The following CHRDL1 variants were observed in gnomAD, a reference collection of about 807,000 sequenced individuals.
The protein encoded by CHRDL1 is chordin-like protein 1.
In CHRDL1, 19 loss-of-function variants were observed where a neutral mutation model predicts 40.9. The ratio of observed to expected loss-of-function variants is 0.46; its 90% CI spans 0.32 to 0.68. The LOEUF (loss-of-function observed/expected upper bound fraction) is 0.68. Ranked by LOEUF, CHRDL1 falls within the 30% of genes least tolerant of loss-of-function variation. CHRDL1 has a pLI of 0.03. For synonymous variants in CHRDL1, 136 were observed against 123.4 expected, an observed-to-expected ratio of 1.10 and a Z score of -0.68; for missense variants, 329 against 352.1, an observed-to-expected ratio of 0.93 and a Z score of 0.53.
At chrX:110,738,014 G>A (rs1441256833) in intron 4 of CHRDL1, among the ~76,000 whole-genome samples, 3 of 111,925 alleles carry the variant, frequency 2.7e-5, no homozygotes, top group African/African-American at 9.8e-5. Flanking sequence ...CAGGATAGAC[G>A]ATATGACAAA....
intron 7 of CHRDL1, among the ~76,000 whole-genome samples, chrX:110,697,463 T>TA (rs1476295969): frequency 6.3e-5 from 7 of 110,648 alleles, no homozygotes; most frequent in African/African-American, 1.7e-4. Flanking sequence ...TATCTCAAAA[T>TA]AAAAAAAGTT....
At chrX:110,735,078 C>T (rs191011922) in intron 4 of CHRDL1, among the ~76,000 whole-genome samples, 361 of 110,630 alleles carry the variant, frequency 3.3e-3, no homozygotes, top group Non-Finnish European at 5.8e-3. Context: ...TAGTCATTAC[C>T]CTCAAGCAGC....
At chrX:110,774,597 G>A (rs1433879254) in intron 2 of CHRDL1, among the ~76,000 whole-genome samples, 1 of 111,368 alleles carries the variant, frequency 9.0e-6, no homozygotes, top group African/African-American at 3.3e-5. Flanking sequence ...TATGCAGCAT[G>A]AGAACCATAG....
At chrX:110,718,941 G>GA (rs2070893925) in intron 6 of CHRDL1, among the ~76,000 whole-genome samples, 1 of 111,539 alleles carries the variant, frequency 9.0e-6, no homozygotes, top group African/African-American at 3.3e-5. Context: ...GGGATTTTCT[G>GA]AAAAATGGCA....
chrX:110,708,883 C>T (rs1451243087), intron 6 of CHRDL1, among the ~76,000 whole-genome samples: 2 of 111,285 alleles, frequency 1.8e-5, no homozygotes, highest in Non-Finnish European at 3.8e-5. Context: ...GGATTGTTAC[C>T]ATATCTGGCC....
chrX:110,689,169 C>T (rs1350482406), intron 8 of CHRDL1, among the ~76,000 whole-genome samples: 3 of 97,059 alleles, frequency 3.1e-5, no homozygotes, highest in Non-Finnish European at 6.1e-5. Flanking sequence ...TTGTGGCTCA[C>T]TGTAGCCTTG....
chrX:110,678,966 C>CCTTCCAGATGTGA (rs942143508), intron 11 of CHRDL1, among the ~76,000 whole-genome samples: 6 of 111,580 alleles, frequency 5.4e-5, no homozygotes, highest in Non-Finnish European at 7.5e-5. Context: ...TACCCACCAC[C>CCTTCCAGATGTGA]AGAGGATACA....
intron 9 of CHRDL1, 82 bp downstream of exon 9, chrX:110,688,510 TTA>T: frequency 1.7e-6 from 1 of 593,892 alleles, no homozygotes; most frequent in Non-Finnish European, 2.9e-6. Flanking sequence ...ATATGAAAGG[TTA>T]TGTTTCTGAT....
Position 110,761,993 on chromosome X carries a change from A to G in CHRDL1, c.207+702T>C, listed in dbSNP as rs750865802. On this transcript the variant is annotated intron_variant, in intron 3 of 11. Coordinates refer to ENST00000372042, the MANE Select transcript of CHRDL1 (RefSeq NM_001143981.2). ...AGACAACATAGAATCCACTCTCCCA[A>G]TGAACCAGTTTATAATTTGTCCTAA... Among the ~76,000 whole-genome samples, 5 of 112,469 alleles carry G rather than the reference A, an allele frequency of 4.4e-5. No individual in the cohort carries two copies. In the South Asian group the frequency reaches 1.5e-3, roughly 33 times the overall value.
At chrX:110,772,168 G>C (rs1314255245) in intron 2 of CHRDL1, among the ~76,000 whole-genome samples, 2 of 111,878 alleles carry the variant, frequency 1.8e-5, no homozygotes, top group Non-Finnish European at 3.8e-5. Context: ...ATACAAAATT[G>C]TTAAGATATC....
intron 2 of CHRDL1, among the ~76,000 whole-genome samples, chrX:110,791,000 T>C (rs145364727): frequency 1.6e-3 from 176 of 108,968 alleles, no homozygotes; most frequent in African/African-American, 5.6e-3. Context: ...ACACTTACTA[T>C]GAAAATTGTA....
chrX:110,706,589 C>A (rs1301359900), intron 6 of CHRDL1, among the ~76,000 whole-genome samples: 1 of 111,505 alleles, frequency 9.0e-6, no homozygotes, highest in African/African-American at 3.3e-5. Flanking sequence ...TCTCTGGTGG[C>A]TTGAGCAGGT....
At chrX:110,723,237 C>G (rs1354548976) in intron 4 of CHRDL1, among the ~76,000 whole-genome samples, 3 of 110,632 alleles carry the variant, frequency 2.7e-5, no homozygotes, top group African/African-American at 3.3e-5. Flanking sequence ...GGCGACAGAG[C>G]GAGACTCCAT....
At chrX:110,727,396 T>A (rs193035411) in intron 4 of CHRDL1, among the ~76,000 whole-genome samples, 40 of 112,663 alleles carry the variant, frequency 3.6e-4, no homozygotes, top group East Asian at 1.1e-3. Context: ...TTAGCTTTTT[T>A]AAATTTCATT....
At chrX:110,733,321 C>T (rs1389715282) in intron 4 of CHRDL1, among the ~76,000 whole-genome samples, 1 of 111,251 alleles carries the variant, frequency 9.0e-6, no homozygotes, top group Admixed American at 9.5e-5. Context: ...GATGTATCCC[C>T]TGAGGATGTG....
At chrX:110,774,449 T>G (rs931159476) in intron 2 of CHRDL1, among the ~76,000 whole-genome samples, 3 of 111,280 alleles carry the variant, frequency 2.7e-5, no homozygotes, top group Non-Finnish European at 5.7e-5. Context: ...GTATCTTTTT[T>G]TTTTTAAAGG....
intron 10 of CHRDL1, among the ~76,000 whole-genome samples, chrX:110,679,808 G>A (rs1026779447): frequency 8.9e-6 from 1 of 111,966 alleles, no homozygotes; most frequent in Non-Finnish European, 1.9e-5. Flanking sequence ...ATGCCAAACC[G>A]CTGGGCTGCC....
intron 2 of CHRDL1, among the ~76,000 whole-genome samples, chrX:110,763,496 A>C (rs1376204542): frequency 9.2e-6 from 1 of 108,645 alleles, no homozygotes; most frequent in Non-Finnish European, 1.9e-5. Flanking sequence ...ATATATACAC[A>C]CACACATATA....
chrX:110,758,652 G>A (rs2089502973), intron 4 of CHRDL1, among the ~76,000 whole-genome samples: 1 of 111,153 alleles, frequency 9.0e-6, no homozygotes, highest in South Asian at 3.8e-4. Context: ...ATAAGTTCTG[G>A]AAGTTCCTCA....
Sources: allele counts gnomAD v4.1 joint callset (sites outside exome capture counted in the v4.1 genomes callset), GRCh38; gene constraint gnomAD v4.1.1; transcripts MANE v1.5; gene names NCBI Gene and HGNC (gene_info 2026-07-23, HGNC 2026-07-21).